BMPR2: variants seen among roughly 807,000 people sequenced by gnomAD.
BMPR2 encodes bone morphogenetic protein receptor type 2, also known as bone morphogenetic protein receptor type-2.
BMPR2 carries 29 observed loss-of-function variants against 100.8 expected under a neutral mutation model. That is an observed-to-expected ratio of 0.29 (90% CI 0.21 to 0.39). The LOEUF (loss-of-function observed/expected upper bound fraction) is 0.39, where lower values mean the gene tolerates loss of function less well. BMPR2 is among the 10% of genes least tolerant of loss of function. The probability of loss-of-function intolerance (pLI) is 1.00; values close to 1 mark genes in which losing one functional copy is unlikely to be tolerated. For missense variants in BMPR2, 1,011 were observed against 1,274.5 expected (o/e 0.79, Z 3.15); for synonymous variants, 382 against 442.3 (o/e 0.86, Z 1.71).
chr2:202,506,168 AT>A (rs71406985), intron 3 of BMPR2, among the ~76,000 whole-genome samples: 7 of 150,298 alleles, frequency 4.7e-5, no homozygotes, highest in Admixed American at 6.6e-5. Context: ...TAATTAATTA[AT>A]TTTTTTTTTG....
intron 1 of BMPR2, among the ~76,000 whole-genome samples, chr2:202,435,733 A>G (rs548844759): frequency 6.7e-6 from 1 of 150,260 alleles, no homozygotes; most frequent in South Asian, 2.1e-4. Context: ...TTTATCTTTC[A>G]TACTGTATTT....
chr2:202,532,869 G>C lies in BMPR2; in HGVS notation c.1276+137G>C. The C allele has an allele frequency of 9.2e-7, 1 of 1,083,588 alleles. No homozygotes were observed. The highest frequency in any genetic ancestry group is 1.6e-5 in the African/African-American group (1 of 62,522). The allele number at this position is 1,083,588 out of a possible 1,614,324, so 67.1% of individuals were successfully genotyped here. On this transcript the variant is annotated intron_variant, in intron 9 of 12. Transcript: ENST00000374580. The surrounding 1 kb of genome is among the most constrained non-coding windows in gnomAD (Gnocchi z 4.1). ...TAAACCTTTAGTTCATTGCTATCTA[G>C]TGTTTAGAAACATTATTAGCAGCAG...
chr2:202,538,764 A>G (rs1688211905), intron 9 of BMPR2, among the ~76,000 whole-genome samples: 1 of 149,250 alleles, frequency 6.7e-6, no homozygotes, highest in South Asian at 2.2e-4. Context: ...ACCGCACTCC[A>G]GCCTGGGTGA....
chr2:202,469,252 T>C (rs1342444016), intron 3 of BMPR2, among the ~76,000 whole-genome samples: 6 of 151,956 alleles, frequency 3.9e-5, no homozygotes, highest in Non-Finnish European at 8.8e-5. Context: ...GGTCTCGAAG[T>C]CCCGACCTCA....
chr2:202,377,535 G>C lies in BMPR2; in HGVS notation c.61G>C (p.Val21Leu). 6.2e-7 allele frequency: 1 copy of C among 1,614,234 alleles called. No individual in the cohort carries two copies. The highest frequency in any genetic ancestry group is 1.7e-5 in the Admixed American group (1 of 60,030). Residue 21 changes from valine (V) to leucine (L), a missense_variant, in exon 1 of 13, where the codon GTC (valine) becomes CTC (leucine). This residue lies in a region of BMPR2 where 355 missense variants were observed against 455.3 expected (regional missense o/e 0.78). Transcript: ENST00000374580. ...CTGGCTACCATGGACCATCCTGCTG[G>C]TCAGCACTGCGGCTGGTGAGTAGCT... ...VPWLPWTILL[V>L]STAAASQNQE...
intron 1 of BMPR2, among the ~76,000 whole-genome samples, chr2:202,393,882 C>CGAGCGAGAGA (rs1690602389): frequency 1.0e-5 from 1 of 97,870 alleles, no homozygotes; most frequent in African/African-American, 3.6e-5. Flanking sequence ...AATGAGAGAG[C>CGAGCGAGAGA]GAGAGAGAGA....
intron 1 of BMPR2, among the ~76,000 whole-genome samples, chr2:202,396,010 T>C (rs1218329283): frequency 4.0e-5 from 6 of 151,674 alleles, no homozygotes; most frequent in African/African-American, 1.5e-4. Flanking sequence ...GAAATTGGCC[T>C]GATGATGGAG....
intron 3 of BMPR2, among the ~76,000 whole-genome samples, chr2:202,486,483 C>A (rs1426097857): frequency 6.6e-6 from 1 of 151,950 alleles, no homozygotes; most frequent in African/African-American, 2.4e-5. Context: ...TACAAAAAAA[C>A]TTAGCCTGCC....
At chr2:202,549,512 G>A (rs1325483663) in intron 10 of BMPR2, among the ~76,000 whole-genome samples, 2 of 152,110 alleles carry the variant, frequency 1.3e-5, no homozygotes, top group African/African-American at 2.4e-5. Flanking sequence ...TTAAGAAACT[G>A]CCAGTTTTTG....
At position 202,503,444 on chromosome 2, in the gene BMPR2, T is replaced by C. The variant is rs373935306; in HGVS notation, c.419-10275T>C. On this transcript the variant is annotated intron_variant, in intron 3 of 12. Transcript: ENST00000374580. This position sits in a 1 kb window ranked among gnomAD's most constrained non-coding sequence, Gnocchi z 4.0. ...GCTTGCGGGCCAGCCGGAGTTCCGG[T>C]TGGGCATGGGCTTGGCGGGCCCCGC... Among the ~76,000 whole-genome samples, 2 of 152,336 alleles carry C rather than the reference T, an allele frequency of 1.3e-5. No homozygotes were observed. The highest frequency in any genetic ancestry group is 4.1e-4 in the South Asian group (2 of 4,826).
At chr2:202,431,967 G>A (rs906252566) in intron 1 of BMPR2, among the ~76,000 whole-genome samples, 1 of 149,984 alleles carries the variant, frequency 6.7e-6, no homozygotes, top group Admixed American at 6.6e-5. Flanking sequence ...AGTTTCTTAC[G>A]TTTTTCCAGA....
intron 12 of BMPR2, among the ~76,000 whole-genome samples, chr2:202,558,833 C>T (rs924567370): frequency 7.0e-6 from 1 of 143,102 alleles, no homozygotes; most frequent in African/African-American, 2.6e-5. Flanking sequence ...GCAGAGGTTG[C>T]GGTGAGCCGA....
At chr2:202,458,875 G>C (rs1374128032) in intron 1 of BMPR2, among the ~76,000 whole-genome samples, 3 of 152,112 alleles carry the variant, frequency 2.0e-5, no homozygotes, top group South Asian at 4.1e-4. Flanking sequence ...TTGAAAAGCT[G>C]TTCTTCATAA....
At chr2:202,514,236 A>ACG (rs1687675060) in intron 4 of BMPR2, among the ~76,000 whole-genome samples, 1 of 152,198 alleles carries the variant, frequency 6.6e-6, no homozygotes. Context: ...CCCAGGGTTC[A>ACG]CGCCATTCTC....
At chr2:202,378,023 A>AATCC (rs1226112249) in intron 1 of BMPR2, among the ~76,000 whole-genome samples, 2 of 152,212 alleles carry the variant, frequency 1.3e-5, no homozygotes, top group Non-Finnish European at 2.9e-5. Context: ...TCACTCTGGG[A>AATCC]ATCCATGTTC....
chr2:202,488,387 T>C (rs1229185025), intron 3 of BMPR2, among the ~76,000 whole-genome samples: 1 of 152,174 alleles, frequency 6.6e-6, no homozygotes, highest in African/African-American at 2.4e-5. Flanking sequence ...ATAAAACATC[T>C]TTTGAAAAAG....
At chr2:202,558,033 T>G (rs866272660) in intron 12 of BMPR2, among the ~76,000 whole-genome samples, 1 of 152,068 alleles carries the variant, frequency 6.6e-6, no homozygotes, top group East Asian at 1.9e-4. Context: ...ATAAAGAAAC[T>G]GTAGGCTAGG....
intron 10 of BMPR2, among the ~76,000 whole-genome samples, chr2:202,550,291 C>A (rs1262346922): frequency 6.7e-6 from 1 of 149,214 alleles, no homozygotes; most frequent in Admixed American, 6.8e-5. Flanking sequence ...GAGAATGGCA[C>A]GAACCCAAGA....
At chr2:202,535,103 C>G (rs1292517356) in intron 9 of BMPR2, among the ~76,000 whole-genome samples, 1 of 146,298 alleles carries the variant, frequency 6.8e-6, no homozygotes, top group African/African-American at 2.5e-5. Context: ...CCACCTCCCT[C>G]CCGGACGGGG....
Sources: gnomAD v4.1 joint callset for allele counts (sites outside exome capture counted in the v4.1 genomes callset) on GRCh38, gnomAD v4.1.1 for gene constraint, gnomAD v4.1.1 regional missense constraint, Gnocchi (gnomAD v3.1) non-coding constraint, MANE v1.5 for transcripts, NCBI Gene and HGNC (gene_info 2026-07-23, HGNC 2026-07-21) for gene names.